Variants in DMC1 observed in about 807,000 individuals in gnomAD.
DMC1 encodes the protein meiotic recombination protein DMC1 homolog.
Under a neutral mutation model 50.1 loss-of-function variants are expected in DMC1, and 27 were observed. The ratio of observed to expected loss-of-function variants is 0.54; its 90% confidence interval spans 0.40 to 0.74. The LOEUF (loss-of-function observed/expected upper bound fraction) is 0.74. Ranked by LOEUF, DMC1 falls within the 30% of genes least tolerant of loss-of-function variation. The probability of loss-of-function intolerance (pLI) is 0.00; values close to 1 mark genes in which losing one functional copy is unlikely to be tolerated. For missense variants in DMC1, 295 were observed against 420.2 expected (o/e 0.70, Z 2.60); for synonymous variants, 148 against 136.1 (o/e 1.09, Z -0.61).
At chr22:38,564,849 A>C (rs1270622859) in intron 4 of DMC1, among the ~76,000 whole-genome samples, 1 of 152,136 alleles carries the variant, frequency 6.6e-6, no homozygotes, top group East Asian at 1.9e-4. Context: ...TTGTGGGTAC[A>C]CTGCCTGAGT....
chr22:38,527,297 C>A (rs901139202), intron 12 of DMC1, among the ~76,000 whole-genome samples: 2 of 152,052 alleles, frequency 1.3e-5, no homozygotes, highest in Non-Finnish European at 2.9e-5. Flanking sequence ...CTCCGCCTCC[C>A]CAGTTCAAGC....
At chr22:38,524,259 C>G (rs1192795319) in intron 12 of DMC1, among the ~76,000 whole-genome samples, 1 of 151,918 alleles carries the variant, frequency 6.6e-6, no homozygotes, top group Non-Finnish European at 1.5e-5. Flanking sequence ...ACTAAAAATA[C>G]AAAAATTAGC....
At chr22:38,545,070 G>T (rs1259246764) in intron 8 of DMC1, among the ~76,000 whole-genome samples, 3 of 152,082 alleles carry the variant, frequency 2.0e-5, no homozygotes, top group African/African-American at 7.2e-5. Flanking sequence ...AAACTACAAT[G>T]AAATATCATC....
rs2090458665 is a variant in DMC1 at position 38,555,342 on chromosome 22, TA to T, written c.379+14del. The T allele has an allele frequency of 1.3e-6, 2 of 1,578,100 alleles. No individual in the cohort carries two copies. The highest frequency in any genetic ancestry group is 1.7e-6 in the Non-Finnish European group (2 of 1,147,772). The stretch of plus-strand genomic sequence containing the variant: ...TATAATATTTCATTTAACAAAATAT[TA>T]AGGTTCTACCTACCTCCAAAAGCTT... On this transcript the variant is annotated intron_variant, in intron 6 of 13. Transcript: ENST00000216024.
intron 6 of DMC1, 72 bp downstream of exon 6, chr22:38,555,285 T>TATGTATA (rs2090457973): frequency 1.1e-6 from 1 of 935,290 alleles, no homozygotes; most frequent in Admixed American, 1.9e-5. Context: ...ATTATATGTG[T>TATGTATA]ATGTATACAC....
intron 8 of DMC1, among the ~76,000 whole-genome samples, chr22:38,542,967 T>C (rs529990177): frequency 6.6e-6 from 1 of 152,300 alleles, no homozygotes; most frequent in South Asian, 2.1e-4. Context: ...GACGGTCTCT[T>C]CAGTAAATGG....
intron 13 of DMC1, among the ~76,000 whole-genome samples, chr22:38,521,272 C>G (rs975772280): frequency 6.6e-6 from 1 of 152,070 alleles, no homozygotes; most frequent in Non-Finnish European, 1.5e-5. Flanking sequence ...ATTTCATTAT[C>G]TAGGTGTATG....
intron 13 of DMC1, 136 bp downstream of exon 13, chr22:38,521,472 G>A: frequency 6.3e-6 from 4 of 630,720 alleles, no homozygotes; most frequent in South Asian, 1.7e-5. Context: ...GGGAGCCCAA[G>A]GTGGGAGGAT....
rs377331125 is a variant in DMC1 at position 38,563,860 on chromosome 22, C to T, written c.244-1491G>A. Among the ~76,000 whole-genome samples, 14 of 152,114 alleles carry T rather than the reference C, an allele frequency of 9.2e-5. No homozygotes were observed. The South Asian group carries it at 1.9e-3, about 20-fold the overall frequency. On this transcript the variant is annotated intron_variant, in intron 4 of 13. Coordinates refer to ENST00000216024, the MANE Select transcript of DMC1 (RefSeq NM_007068.4). ...GACTACAGGCGCCTGCCACCACACC[C>T]GGCTAATATTTTTGTATTTTTAGTA...
chr22:38,519,944 T>C lies in DMC1; in HGVS notation c.*76A>G. 1.7e-6 allele frequency: 2 copies of C among 1,184,426 alleles called. No homozygotes were observed. Among genetic ancestry groups the C allele is most frequent in the Non-Finnish European group, 2.5e-6 (2 of 791,490 alleles). The allele number at this position is 1,184,426 out of a possible 1,614,324, so 73.4% of individuals were successfully genotyped here. A position where few individuals can be genotyped will look rare whatever the true frequency, so the allele number is the denominator to read the frequency against. ...GTGGGAAAAAACCTCTATTTCAAGA[T>C]GTGAAATTGGAGACTGCTTTTCCAT... On this transcript the variant is annotated 3_prime_UTR_variant, in exon 14 of 14. Transcript: ENST00000216024.
At chr22:38,543,475 C>T (rs1343756866) in intron 8 of DMC1, among the ~76,000 whole-genome samples, 2 of 152,078 alleles carry the variant, frequency 1.3e-5, no homozygotes, top group African/African-American at 4.8e-5. Context: ...GTGATCCACC[C>T]ACCTCGGCCT....
intron 1 of DMC1, 162 bp from the exon 2 acceptor site, chr22:38,568,451 T>TGTG: frequency 1.7e-6 from 1 of 591,432 alleles, no homozygotes; most frequent in South Asian, 2.0e-5. Flanking sequence ...ACATTATTTC[T>TGTG]TGTGTGTGTG....
At chr22:38,546,334 A>G (rs1165910777) in intron 8 of DMC1, among the ~76,000 whole-genome samples, 1 of 152,070 alleles carries the variant, frequency 6.6e-6, no homozygotes, top group Non-Finnish European at 1.5e-5. Context: ...GGTTGTAGTG[A>G]GCCGAGATCG....
intron 2 of DMC1, among the ~76,000 whole-genome samples, chr22:38,568,004 T>C (rs2090598118): frequency 6.6e-6 from 1 of 152,234 alleles, no homozygotes; most frequent in South Asian, 2.1e-4. Context: ...CCATACCAGC[T>C]GTTAAGTCAT....
At chr22:38,521,228 CCTTGTATTTAA>C (rs1246057342) in intron 13 of DMC1, among the ~76,000 whole-genome samples, 1 of 151,996 alleles carries the variant, frequency 6.6e-6, no homozygotes, top group African/African-American at 2.4e-5. Flanking sequence ...TTGATACTTA[CCTTGTATTTAA>C]CACAATTTAA....
chr22:38,517,814 C>T (rs779393712), downstream of DMC1, among the ~76,000 whole-genome samples: 4 of 152,080 alleles, frequency 2.6e-5, no homozygotes, highest in Non-Finnish European at 4.4e-5. Flanking sequence ...CTGTGGTTTT[C>T]AAAAGGTAAA....
At chr22:38,543,220 C>T (rs1017653093) in intron 8 of DMC1, among the ~76,000 whole-genome samples, 5 of 151,764 alleles carry the variant, frequency 3.3e-5, no homozygotes, top group Non-Finnish European at 2.9e-5. Context: ...AAGGTTTTAG[C>T]CTGTAAATTG....
chr22:38,562,412 T>C, intron 4 of DMC1, 43 bp from the exon 5 acceptor site: 2 of 1,384,918 alleles, frequency 1.4e-6, no homozygotes, highest in Non-Finnish European at 2.1e-6. Flanking sequence ...AGTTTAAAGA[T>C]CATGGTTGTA....
intron 13 of DMC1, 71 bp downstream of exon 13, chr22:38,521,537 C>CTA: frequency 9.2e-6 from 8 of 866,726 alleles, no homozygotes; most frequent in Non-Finnish European, 1.2e-5. Flanking sequence ...AACCCCGTCT[C>CTA]TACACACACA....
Sources: gnomAD v4.1 joint callset for allele counts (sites outside exome capture counted in the v4.1 genomes callset) on GRCh38, gnomAD v4.1.1 for gene constraint, MANE v1.5 for transcripts, NCBI Gene and HGNC (gene_info 2026-07-23, HGNC 2026-07-21) for gene names.